PARP6: variants seen among roughly 807,000 people sequenced by gnomAD.
PARP6 encodes the protein protein mono-ADP-ribosyltransferase PARP6.
PARP6 carries 27 observed loss-of-function variants against 92.0 expected under a neutral mutation model. The observed-to-expected ratio is 0.29, with a 90% CI of 0.22 to 0.40. The LOEUF (loss-of-function observed/expected upper bound fraction) is 0.40, where lower values mean the gene tolerates loss of function less well. Ranked by LOEUF, PARP6 falls within the 10% of genes least tolerant of loss-of-function variation. The probability of loss-of-function intolerance (pLI) is 1.00; values close to 1 mark genes in which losing one functional copy is unlikely to be tolerated. For synonymous variants in PARP6, 272 were observed against 281.2 expected (o/e 0.97, Z 0.33); for missense variants, 501 against 784.5 (o/e 0.64, Z 4.32).
intron 14 of PARP6, 84 bp from the exon 15 acceptor site, chr15:72,254,604 C>G: frequency 2.9e-6 from 3 of 1,026,600 alleles, no homozygotes; most frequent in Admixed American, 2.0e-5. Flanking sequence ...CTAGATGTAC[C>G]AAAAAAGTCT....
rs201649837 is a variant in PARP6, at chr15:72,250,065, C to T, written c.1446G>A (p.Ser482=). The T allele has an allele frequency of 1.2e-5, 19 of 1,611,484 alleles. No individual in the cohort carries two copies. The East Asian group carries it at 2.5e-4, about 21-fold the overall frequency. ...FHGSHIENWH[S]ILRNGLVNAS... Reference sequence around the variant, plus strand: ...CATTGACCAGCCCATTGCGCAGGATCGAATGCCAGTTCTCAATGTGGGACC... The same window carrying T: ...CATTGACCAGCCCATTGCGCAGGATTGAATGCCAGTTCTCAATGTGGGACC... The change falls in exon 19 of 24, where the codon TCG becomes TCA. Residue 482 remains serine (S), a synonymous_variant. Coordinates refer to ENST00000569795, the MANE Select transcript of PARP6 (RefSeq NM_001323532.2).
At position 72,241,951 on chromosome 15, in the gene PARP6, G is replaced by A. The variant is rs1567151559; in HGVS notation, c.1740C>T (p.Asn580=). The stretch of plus-strand genomic sequence containing the variant: ...GGTCGGACACAGGGCACACCCAGAT[G>A]TTCCCATGCTTCTGGAGGTCCTTAG... ...ITSKDLQKHG[N]IWVCPVSDHV... is the part of the protein sequence containing the mutation. Residue 580 remains asparagine (N), a synonymous_variant, in exon 23 of 24, where the codon AAC becomes AAT. Coordinates refer to ENST00000569795, the MANE Select transcript of PARP6 (RefSeq NM_001323532.2). The surrounding 1 kb of genome is among the most constrained non-coding windows in gnomAD (Gnocchi z 4.1). 22 of 1,613,718 alleles carry A rather than the reference G, an allele frequency of 1.4e-5. No homozygotes were observed. Among genetic ancestry groups the A allele is most frequent in the Non-Finnish European group, 1.5e-5 (18 of 1,179,698 alleles).
In PARP6 at chr15:72,264,443, G is replaced by T; in HGVS notation, c.395+112C>A. The T allele has an allele frequency of 6.4e-6, 5 of 778,382 alleles. No individual in the cohort carries two copies. In the South Asian group the frequency reaches 8.5e-5, roughly 13 times the overall value. 48.2% of individuals were successfully genotyped at this position (778,382 alleles called of 1,614,324 possible). A position where few individuals can be genotyped will look rare whatever the true frequency, so the allele number is the denominator to read the frequency against. Reference sequence around the variant, plus strand: ...GCTTTTCCTGGGCATATTTCAGAAAGACATTTTTGGAAGGGGGCATTCCAT... The same window carrying T: ...GCTTTTCCTGGGCATATTTCAGAAATACATTTTTGGAAGGGGGCATTCCAT... On this transcript the variant is annotated intron_variant, in intron 8 of 23. Transcript: ENST00000569795.
At position 72,242,992 on chromosome 15, in the gene PARP6, G is replaced by A. The variant is rs2083227873; in HGVS notation, c.1562-293C>T. On this transcript the variant is annotated intron_variant, in intron 20 of 23. Coordinates refer to ENST00000569795, the MANE Select transcript of PARP6 (RefSeq NM_001323532.2). The surrounding 1 kb of genome is among the most constrained non-coding windows in gnomAD (Gnocchi z 4.3). Reference sequence around the variant, plus strand: ...TGTGGTGACAGCTAGACTGAGAACTGCAGGATTAGGAAGAGTTAATTAAAT... The same window carrying A: ...TGTGGTGACAGCTAGACTGAGAACTACAGGATTAGGAAGAGTTAATTAAAT... The A allele has an allele frequency of 2.7e-6, 1 of 365,064 alleles. No homozygotes were observed. The highest frequency in any genetic ancestry group is 4.9e-6 in the Non-Finnish European group (1 of 202,990). The allele number at this position is 365,064 out of a possible 1,614,324, so 22.6% of individuals were successfully genotyped here. A position where few individuals can be genotyped will look rare whatever the true frequency, so the allele number is the denominator to read the frequency against.
At chr15:72,270,752 C>T (rs1049541754) in intron 2 of PARP6, among the ~76,000 whole-genome samples, 11 of 152,214 alleles carry the variant, frequency 7.2e-5, no homozygotes, top group African/African-American at 2.7e-4. Context: ...CACACTAGCA[C>T]TCTCTATCTC....
chr15:72,257,301 T>C (rs373282820), intron 13 of PARP6, 47 bp downstream of exon 13: 27 of 1,355,910 alleles, frequency 2.0e-5, no homozygotes, highest in Non-Finnish European at 2.3e-5. Context: ...TGGGTTCCTC[T>C]GTCTTTCTTG....
Position 72,242,596 on chromosome 15 carries a change from G to C in PARP6, c.1641+24C>G, listed in dbSNP as rs760918466. Reference sequence around the variant, plus strand: ...TAAATTAGCCCCAGGGAAAGGTCCTGCCTCATTAGAATAGTTCCAATACCT... The same window carrying C: ...TAAATTAGCCCCAGGGAAAGGTCCTCCCTCATTAGAATAGTTCCAATACCT... On this transcript the variant is annotated intron_variant, in intron 21 of 23. Transcript: ENST00000569795. The surrounding 1 kb of genome is among the most constrained non-coding windows in gnomAD (Gnocchi z 4.3). 8.0e-6 allele frequency: 12 copies of C among 1,499,364 alleles called. No individual in the cohort carries two copies. In the East Asian group the frequency reaches 2.5e-4, roughly 31 times the overall value. The allele number at this position is 1,499,364 out of a possible 1,614,324, so 92.9% of individuals were successfully genotyped here.
chr15:72,258,131 A>G lies in PARP6; in HGVS notation c.812T>C (p.Ile271Thr), dbSNP rs772458986. 6.2e-7 allele frequency: 1 copy of G among 1,605,188 alleles called. No individual in the cohort carries two copies. The highest frequency in any genetic ancestry group is 1.1e-5 in the South Asian group (1 of 90,908). The change falls in exon 12 of 24, where the codon ATC becomes ACC. Residue 271 changes from isoleucine to threonine, a missense_variant and splice_region_variant. This residue lies in a region of PARP6 where 291 missense variants were observed against 352.0 expected (regional missense o/e 0.83). Transcript: ENST00000569795. Reference protein sequence around the residue: ...PTLEYGFLVQIMKYAEQRIPT... With the variant: ...PTLEYGFLVQTMKYAEQRIPT... ...AATCCTCTGTTCTGCATACTTCATG[A>G]TCTGAGAAAACAACAGATTCTAAGT...
At chr15:72,250,416 T>G (rs2084191787) in intron 18 of PARP6, 2 of 328,586 alleles carry the variant, frequency 6.1e-6, no homozygotes, top group Non-Finnish European at 1.2e-5. Flanking sequence ...ATCAACAAAT[T>G]TATCACTGAC....
intron 20 of PARP6, among the ~76,000 whole-genome samples, chr15:72,248,188 T>C (rs1429112416): frequency 6.6e-6 from 1 of 152,252 alleles, no homozygotes; most frequent in Non-Finnish European, 1.5e-5. Context: ...CTGTTAGTTC[T>C]TTGAAATCAT....
In PARP6 at chr15:72,249,322, G is replaced by T; in HGVS notation, c.1492-8C>A. On this transcript the variant is annotated splice_polypyrimidine_tract_variant and splice_region_variant and intron_variant, in intron 19 of 23. Transcript: ENST00000569795. Reference sequence around the variant, plus strand: ...ATAGGCTGCTCCATGCAGCTTGCAGGGAAACACCAGGATGAGTAATATGAG... The same window carrying T: ...ATAGGCTGCTCCATGCAGCTTGCAGTGAAACACCAGGATGAGTAATATGAG... The T allele has an allele frequency of 1.3e-6, 2 of 1,558,812 alleles. No homozygotes were observed. The highest frequency in any genetic ancestry group is 1.8e-6 in the Non-Finnish European group (2 of 1,135,096).
intron 8 of PARP6, among the ~76,000 whole-genome samples, chr15:72,262,695 TG>T (rs1397337828): frequency 6.6e-6 from 1 of 152,192 alleles, no homozygotes; most frequent in Non-Finnish European, 1.5e-5. Flanking sequence ...CTAAATCCGA[TG>T]GAAACTCCCA....
In PARP6 at chr15:72,241,723, A is replaced by G. The variant is rs2083077674; in HGVS notation, c.1791-166T>C. Among the ~76,000 whole-genome samples, 1 of 152,244 alleles carries G rather than the reference A, an allele frequency of 6.6e-6. No homozygotes were observed. Among genetic ancestry groups the G allele is most frequent in the Non-Finnish European group, 1.5e-5 (1 of 68,048 alleles). ...TCAGCTTATCTGGTTTCCTCTAGAT[A>G]GATCCCAACCATCTATACCCATTCC... On this transcript the variant is annotated intron_variant, in intron 23 of 23. Transcript: ENST00000569795. This position sits in a 1 kb window ranked among gnomAD's most constrained non-coding sequence, Gnocchi z 4.1.
chr15:72,258,175 C>A (rs867805708), intron 11 of PARP6, 43 bp from the exon 12 acceptor site: 2 of 1,378,946 alleles, frequency 1.5e-6, no homozygotes, highest in East Asian at 2.3e-5. Flanking sequence ...AGTACTGGCA[C>A]ACACAGATAT....
At position 72,259,630 on chromosome 15, in the gene PARP6, A is replaced by G; in HGVS notation, c.788T>C (p.Leu263Pro). 1 of 1,614,142 alleles carries G rather than the reference A, an allele frequency of 6.2e-7. No homozygotes were observed. The highest frequency in any genetic ancestry group is 1.1e-5 in the South Asian group (1 of 91,074). ...VSGHCKNIPTLEYGFLVQIMK... is the reference protein window; with the variant it reads ...VSGHCKNIPTPEYGFLVQIMK... Reference sequence around the variant, plus strand: ...TACCTGAACGAGGAATCCATACTCCAGAGTGGGAATGTTCTTGCAGTGACC... The same window carrying G: ...TACCTGAACGAGGAATCCATACTCCGGAGTGGGAATGTTCTTGCAGTGACC... The change falls in exon 11 of 24, where the codon CTG becomes CCG. Residue 263 changes from leucine to proline, a missense_variant. By Grantham distance (98) the Leu-to-Pro change is moderately conservative. Coordinates refer to ENST00000569795, the MANE Select transcript of PARP6 (RefSeq NM_001323532.2).
At chr15:72,253,923 T>C (rs975012507) in intron 15 of PARP6, 6 of 436,332 alleles carry the variant, frequency 1.4e-5, no homozygotes, top group African/African-American at 1.2e-4. Flanking sequence ...AACTGTGATA[T>C]ACAGGATTTG....
intron 6 of PARP6, 39 bp downstream of exon 6, chr15:72,265,374 C>T: frequency 6.4e-7 from 1 of 1,553,426 alleles, no homozygotes. Context: ...TCCACAAGTC[C>T]AGCTAGACAT....
rs755150336 is a variant in PARP6 at position 72,250,969 on chromosome 15, G to T, written c.1309-15C>A. 7 of 1,584,740 alleles carry T rather than the reference G, an allele frequency of 4.4e-6. No homozygotes were observed. The highest frequency in any genetic ancestry group is 1.3e-5 in the African/African-American group (1 of 74,458). On this transcript the variant is annotated splice_polypyrimidine_tract_variant and intron_variant, in intron 17 of 23. Transcript: ENST00000569795. The stretch of plus-strand genomic sequence containing the variant: ...ATGAACTTCAGCTGCTGCCCAGGGT[G>T]GGGGTGGAATCAGGAAAACAGAGCA...
chr15:72,267,093 G>A lies in PARP6; in HGVS notation c.4-271C>T, dbSNP rs1231770604. 25 of 514,528 alleles carry A rather than the reference G, an allele frequency of 4.9e-5. No homozygotes were observed. In the East Asian group the frequency reaches 8.0e-4, roughly 16 times the overall value. The allele number at this position is 514,528 out of a possible 1,614,324, so 31.9% of individuals were successfully genotyped here. A position where few individuals can be genotyped will look rare whatever the true frequency, so the allele number is the denominator to read the frequency against. On this transcript the variant is annotated intron_variant, in intron 3 of 23. Coordinates refer to ENST00000569795, the MANE Select transcript of PARP6 (RefSeq NM_001323532.2). ...TGAAGTCTCAGTATGATGACTGAGA[G>A]GCTCTGGTAGCCAGTAGGAAAGAAA...
Sources: allele counts gnomAD v4.1 joint callset (sites outside exome capture counted in the v4.1 genomes callset), GRCh38; gene constraint gnomAD v4.1.1; regional missense constraint gnomAD v4.1.1; non-coding constraint Gnocchi (gnomAD v3.1); transcripts MANE v1.5; gene names NCBI Gene and HGNC (gene_info 2026-07-23, HGNC 2026-07-21).